The following PPP2R2C variants were observed in gnomAD, a reference collection of about 807,000 sequenced individuals.
The protein encoded by PPP2R2C is protein phosphatase 2, regulatory subunit B, gamma.
A neutral mutation model predicts 45.3 loss-of-function variants in PPP2R2C; 10 were observed. That is an observed-to-expected ratio of 0.22 (90% CI 0.14 to 0.37). The LOEUF (loss-of-function observed/expected upper bound fraction) is 0.37, where lower values mean the gene tolerates loss of function less well. PPP2R2C is among the 10% of genes least tolerant of loss of function. The probability of loss-of-function intolerance (pLI) is 1.00; values close to 1 mark genes in which losing one functional copy is unlikely to be tolerated. For missense variants in PPP2R2C, 308 were observed against 619.7 expected (o/e 0.50, Z 5.34); for synonymous variants, 257 against 245.4 (o/e 1.05, Z -0.44).
intron 5 of PPP2R2C, among the ~76,000 whole-genome samples, chr4:6,353,072 G>C (rs983072088): frequency 6.6e-6 from 1 of 152,066 alleles, no homozygotes; most frequent in Non-Finnish European, 1.5e-5. Flanking sequence ...GAGAGAGCAC[G>C]GCCCTGCCAA....
At position 6,345,974 on chromosome 4, in the gene PPP2R2C, GC is replaced by G. The variant is rs1711872637; in HGVS notation, c.790+1871del. Among the ~76,000 whole-genome samples, 1 of 152,106 alleles carries G rather than the reference GC, an allele frequency of 6.6e-6. No homozygotes were observed. Among genetic ancestry groups the G allele is most frequent in the Non-Finnish European group, 1.5e-5 (1 of 68,008 alleles). On this transcript the variant is annotated intron_variant, in intron 6 of 8. Transcript: ENST00000382599. This position sits in a 1 kb window ranked among gnomAD's most constrained non-coding sequence, Gnocchi z 5.3. ...CCTCAGGCTCGCGGGTCTGAAACCT[GC>G]CTGCTGGTCCCTGGCACCCCCTGTT...
At chr4:6,445,821 C>T (rs1720388480) in intron 1 of PPP2R2C, among the ~76,000 whole-genome samples, 1 of 113,810 alleles carries the variant, frequency 8.8e-6, no homozygotes, top group Non-Finnish European at 2.0e-5. Flanking sequence ...CTAAATGTCT[C>T]ACACCAACAT....
intron 1 of PPP2R2C, among the ~76,000 whole-genome samples, chr4:6,390,773 A>G (rs956128420): frequency 1.3e-5 from 2 of 152,204 alleles, no homozygotes; most frequent in Admixed American, 6.5e-5. Flanking sequence ...CCTGCTCACC[A>G]GCCCTCTGCA....
At chr4:6,454,635 A>T (rs1022409569) in intron 1 of PPP2R2C, among the ~76,000 whole-genome samples, 1 of 152,216 alleles carries the variant, frequency 6.6e-6, no homozygotes, top group Non-Finnish European at 1.5e-5. Context: ...AGCTCTGCCC[A>T]AATTCCTGAC....
chr4:6,512,382 G>A, intron 2 of PPP2R2C, among the ~76,000 whole-genome samples: 1 of 130,548 alleles, frequency 7.7e-6, no homozygotes, highest in Non-Finnish European at 1.7e-5. Flanking sequence ...TGGTGGTGGT[G>A]GTGGTGATGG....
At chr4:6,545,055 C>T (rs1411488707) in intron 1 of PPP2R2C, among the ~76,000 whole-genome samples, 1 of 152,120 alleles carries the variant, frequency 6.6e-6, no homozygotes, top group African/African-American at 2.4e-5. Flanking sequence ...AATGCCAGGC[C>T]GGTTCTCAAA....
upstream of PPP2R2C, among the ~76,000 whole-genome samples, chr4:6,472,807 G>C (rs1392987384): frequency 6.6e-6 from 1 of 152,048 alleles, no homozygotes; most frequent in Middle Eastern, 3.2e-3. Flanking sequence ...GCCAGCTTGC[G>C]GGGAGAGGGT....
rs929096234 is a variant in PPP2R2C, at chr4:6,368,048, C to T, written c.625+4475G>A. Among the ~76,000 whole-genome samples, 4 of 152,232 alleles carry T rather than the reference C, an allele frequency of 2.6e-5. No homozygotes were observed. The highest frequency in any genetic ancestry group is 9.6e-5 in the African/African-American group (4 of 41,464). On this transcript the variant is annotated intron_variant, in intron 5 of 8. Coordinates refer to ENST00000382599, the MANE Select transcript of PPP2R2C (RefSeq NM_020416.4). The surrounding 1 kb of genome is among the most constrained non-coding windows in gnomAD (Gnocchi z 4.2). ...AATGGGAAGTTACACAGAGATCTGA[C>T]ACTGAGTTACACGGCAGGGTGTGCG...
At position 6,460,636 on chromosome 4, in the gene PPP2R2C, A is replaced by T. The variant is rs191360460; in HGVS notation, c.70+11524T>A. ...CATCTTTCAGTGAATAAAAAAATGT[A>T]GGAATATATATATACCTAGATAGTA... is the stretch of plus-strand genomic sequence containing the variant. On this transcript the variant is annotated intron_variant, in intron 1 of 8. Coordinates refer to ENST00000382599, the MANE Select transcript of PPP2R2C (RefSeq NM_020416.4). Among the ~76,000 whole-genome samples the T allele has an allele frequency of 3.4e-3, 514 of 152,342 alleles. 8 individuals are homozygous for T. The highest frequency in any genetic ancestry group is 0.03 in the Admixed American group (454 of 15,304).
At chr4:6,530,749 C>T (rs1483247045) in intron 2 of PPP2R2C, among the ~76,000 whole-genome samples, 1 of 152,222 alleles carries the variant, frequency 6.6e-6, no homozygotes, top group Non-Finnish European at 1.5e-5. Flanking sequence ...GATTTGTACC[C>T]ACTGAACATG....
At chr4:6,356,614 C>T (rs1326713188) in intron 5 of PPP2R2C, among the ~76,000 whole-genome samples, 2 of 152,274 alleles carry the variant, frequency 1.3e-5, no homozygotes, top group Non-Finnish European at 2.9e-5. Flanking sequence ...CTGCAGCTCC[C>T]AGATGAGGAT....
At chr4:6,425,693 A>G (rs746904047) in intron 1 of PPP2R2C, among the ~76,000 whole-genome samples, 1 of 152,220 alleles carries the variant, frequency 6.6e-6, no homozygotes, top group South Asian at 2.1e-4. Context: ...GGTCCCTGCC[A>G]TCCCCATCAC....
At chr4:6,356,801 C>T (rs1035125809) in intron 5 of PPP2R2C, among the ~76,000 whole-genome samples, 1 of 152,236 alleles carries the variant, frequency 6.6e-6, no homozygotes, top group Non-Finnish European at 1.5e-5. Flanking sequence ...CTCTCAGCCT[C>T]TCTGGACTCT....
intron 1 of PPP2R2C, among the ~76,000 whole-genome samples, chr4:6,396,070 G>A (rs145345260): frequency 1.1e-4 from 16 of 152,324 alleles, no homozygotes; most frequent in South Asian, 2.1e-4. Flanking sequence ...CACACAGTGT[G>A]TGCGAACCCT....
At chr4:6,399,656 T>G (rs1403085701) in intron 1 of PPP2R2C, among the ~76,000 whole-genome samples, 2 of 152,252 alleles carry the variant, frequency 1.3e-5, no homozygotes, top group Non-Finnish European at 2.9e-5. Context: ...CAGCCTGAGC[T>G]GACCCTAGGA....
At chr4:6,552,435 C>T (rs540054705) in intron 1 of PPP2R2C, among the ~76,000 whole-genome samples, 2 of 152,014 alleles carry the variant, frequency 1.3e-5, no homozygotes, top group Non-Finnish European at 2.9e-5. Flanking sequence ...GCTCATGACC[C>T]CTCCCTCCAT....
chr4:6,426,279 G>A (rs574540683), intron 1 of PPP2R2C, among the ~76,000 whole-genome samples: 3 of 152,308 alleles, frequency 2.0e-5, no homozygotes, highest in South Asian at 2.1e-4. Context: ...GGTCGGAGAC[G>A]GCCTTGCAGT....
At chr4:6,361,775 C>T (rs1271760670) in intron 5 of PPP2R2C, among the ~76,000 whole-genome samples, 2 of 152,190 alleles carry the variant, frequency 1.3e-5, no homozygotes, top group South Asian at 4.1e-4. Context: ...GATGTGCACC[C>T]AGGCAGCTGT....
intron 2 of PPP2R2C, among the ~76,000 whole-genome samples, chr4:6,492,041 T>G (rs1722715247): frequency 6.6e-6 from 1 of 152,032 alleles, no homozygotes; most frequent in Admixed American, 6.6e-5. Context: ...CCAGGGACAA[T>G]AAGGAGGCTT....
Sources: allele counts gnomAD v4.1 joint callset (sites outside exome capture counted in the v4.1 genomes callset), GRCh38; gene constraint gnomAD v4.1.1; non-coding constraint Gnocchi (gnomAD v3.1); transcripts MANE v1.5; gene names NCBI Gene and HGNC (gene_info 2026-07-23, HGNC 2026-07-21).